Variants in C5orf22 observed in about 807,000 individuals in gnomAD.
C5orf22 encodes chromosome 5 open reading frame 22.
In C5orf22, 36 loss-of-function variants were observed where a neutral mutation model predicts 48.7. That is an observed-to-expected ratio of 0.74 (90% confidence interval 0.57 to 0.98). The LOEUF is 0.98. C5orf22 is among the 50% of genes least tolerant of loss of function. The pLI, the probability that C5orf22 is intolerant of heterozygous loss-of-function variation, is 0.00. For missense variants in C5orf22, 486 were observed against 521.9 expected (o/e 0.93, Z 0.67); for synonymous variants, 141 against 180.8 (o/e 0.78, Z 1.76).
At position 31,553,164 on chromosome 5, in the gene C5orf22, TGTTTG is replaced by T. The variant is rs990228126; in HGVS notation, c.*263_*267del. 8 of 271,562 alleles carry T rather than the reference TGTTTG, an allele frequency of 2.9e-5. No homozygotes were observed. The highest frequency in any genetic ancestry group is 8.9e-5 in the African/African-American group (4 of 45,056). The allele number at this position is 271,562 out of a possible 1,614,324, so 16.8% of individuals were successfully genotyped here. On this transcript the variant is annotated 3_prime_UTR_variant, in exon 9 of 9. Coordinates refer to ENST00000325366, the MANE Select transcript of C5orf22 (RefSeq NM_018356.3). ...TTTTTTAGGGTTTTGTTTTTTTTTT[TGTTTG>T]TTTGTTTGTTTGTCTTCACTTTTCC... is the stretch of plus-strand genomic sequence containing the variant.
chr5:31,546,039 T>TA (rs1050970687), intron 7 of C5orf22, among the ~76,000 whole-genome samples: 131 of 152,344 alleles, frequency 8.6e-4, no homozygotes, highest in African/African-American at 3.0e-3. Flanking sequence ...GTCCATTTTT[T>TA]ATTGATGAGT....
intron 7 of C5orf22, among the ~76,000 whole-genome samples, chr5:31,550,271 C>T (rs1743169752): frequency 6.6e-6 from 1 of 152,156 alleles, no homozygotes; most frequent in Non-Finnish European, 1.5e-5. Context: ...GTTTTCAAAA[C>T]ATTAAAGTTA....
chr5:31,548,335 C>T (rs1191807542), intron 7 of C5orf22, among the ~76,000 whole-genome samples: 1 of 152,060 alleles, frequency 6.6e-6, no homozygotes, highest in Non-Finnish European at 1.5e-5. Flanking sequence ...TTAACAGCAC[C>T]CATGTCACCT....
chr5:31,536,556 C>A (rs545971572), intron 3 of C5orf22, among the ~76,000 whole-genome samples: 3,141 of 152,056 alleles, frequency 0.021, 111 homozygotes, highest in African/African-American at 0.071. Context: ...AACAAAAAAA[C>A]AGTAATTAGC....
At chr5:31,540,168 T>C (rs1336084027) in intron 4 of C5orf22, among the ~76,000 whole-genome samples, 1 of 152,234 alleles carries the variant, frequency 6.6e-6, no homozygotes, top group African/African-American at 2.4e-5. Flanking sequence ...TTTCTTCAAG[T>C]ATCAAATCAG....
chr5:31,545,685 A>T lies in C5orf22; in HGVS notation c.1032A>T (p.Lys344Asn). The T allele has an allele frequency of 6.2e-7, 1 of 1,610,846 alleles. No homozygotes were observed. The highest frequency in any genetic ancestry group is 8.5e-7 in the Non-Finnish European group (1 of 1,177,900). Residue 344 changes from lysine (K) to asparagine (N), a missense_variant, in exon 7 of 9, where the codon AAA becomes AAT. Physicochemically the swap from Lys to Asn is moderately conservative, Grantham distance 94. This residue lies in a region of C5orf22 where 408 missense variants were observed against 444.0 expected (regional missense o/e 0.92). Transcript: ENST00000325366. ...SLVPLVQSLK[K>N]RMEVPDYEMV... ...TTCCCCTTGTACAGAGTTTGAAAAA[A>T]CGGATGGAAGTACCAGACTATGAAA...
In C5orf22 at chr5:31,541,009, GA is replaced by G; in HGVS notation, c.869del (p.Glu290GlyfsTer5). The G allele has an allele frequency of 1.9e-6, 3 of 1,607,288 alleles. No individual in the cohort carries two copies. The highest frequency in any genetic ancestry group is 2.6e-6 in the Non-Finnish European group (3 of 1,174,422). On this transcript the variant is annotated frameshift_variant and splice_region_variant, in exon 5 of 9. Coordinates refer to ENST00000325366, the MANE Select transcript of C5orf22 (RefSeq NM_018356.3). LOFTEE classifies it high-confidence loss of function. ...QFKKPGTNLTEEDLVDIVDTR... is the reference protein window; with the variant it reads ...QFKKPGTNLTXEDLVDIVDTR... Reference sequence around the variant, plus strand: ...TAAGAAACCTGGCACCAACCTAACAGAGGTATCCTCCATTTGTTTCTTTGGG... The same window carrying G: ...TAAGAAACCTGGCACCAACCTAACAGGGTATCCTCCATTTGTTTCTTTGGG...
At chr5:31,552,736 T>C (rs774403095) in intron 8 of C5orf22, 37 bp from the exon 9 acceptor site, 9 of 1,588,984 alleles carry the variant, frequency 5.7e-6, no homozygotes, top group South Asian at 4.5e-5. Context: ...TTTTATCCTA[T>C]GTGTATTTTT....
chr5:31,533,058 G>A (rs1318329552), intron 1 of C5orf22, among the ~76,000 whole-genome samples: 1 of 152,028 alleles, frequency 6.6e-6, no homozygotes, highest in African/African-American at 2.4e-5. Flanking sequence ...GGGTTCGAGC[G>A]ATTCTTCTGT....
At chr5:31,541,677 G>A (rs1742477727) in intron 6 of C5orf22, among the ~76,000 whole-genome samples, 1 of 152,164 alleles carries the variant, frequency 6.6e-6, no homozygotes, top group Non-Finnish European at 1.5e-5. Context: ...GGAGGCTGAA[G>A]TGGGAGGATT....
intron 8 of C5orf22, among the ~76,000 whole-genome samples, 183 bp from the exon 9 acceptor site, chr5:31,552,586 TAAAG>T (rs1367781214): frequency 3.3e-5 from 5 of 152,342 alleles, no homozygotes; most frequent in South Asian, 2.1e-4. Flanking sequence ...CTGTGAAAAT[TAAAG>T]AACATAATTT....
intron 5 of C5orf22, 97 bp from the exon 6 acceptor site, chr5:31,541,184 T>G (rs907261068): frequency 7.6e-7 from 1 of 1,314,026 alleles, no homozygotes; most frequent in African/African-American, 1.5e-5. Context: ...TTGAAAATTA[T>G]GTTTTAACTA....
intron 3 of C5orf22, among the ~76,000 whole-genome samples, chr5:31,537,287 G>A (rs1356642365): frequency 6.6e-6 from 1 of 152,184 alleles, no homozygotes; most frequent in Non-Finnish European, 1.5e-5. Flanking sequence ...ATGTATGGAA[G>A]AGACACATAT....
At chr5:31,547,841 C>T (rs1251965617) in intron 7 of C5orf22, among the ~76,000 whole-genome samples, 1 of 152,228 alleles carries the variant, frequency 6.6e-6, no homozygotes, top group Non-Finnish European at 1.5e-5. Flanking sequence ...CTGACATGCC[C>T]CAGATACATT....
In C5orf22 at chr5:31,535,855, C is replaced by T; in HGVS notation, c.339C>T (p.His113=). 6.2e-7 allele frequency: 1 copy of T among 1,613,468 alleles called. No individual in the cohort carries two copies. The highest frequency in any genetic ancestry group is 8.5e-7 in the Non-Finnish European group (1 of 1,179,848). ...AGCAGATCAGAGAGGGCAGACACCA[C>T]TTTTTAGTAGGCAAAGACACTTCTA... is the stretch of plus-strand genomic sequence containing the variant. ...WAQQIREGRH[H]FLVGKDTSTT... The change falls in exon 3 of 9, where the codon CAC becomes CAT. Residue 113 remains histidine, a synonymous_variant. Transcript: ENST00000325366.
chr5:31,538,709 A>C lies in C5orf22; in HGVS notation c.807+20A>C, dbSNP rs1395044920. ...ACTCAGGTAAATAATTGTGTTTTTAACACATAGATCTTGAGAATTGTATGG... is the reference window on the plus strand; with the variant it reads ...ACTCAGGTAAATAATTGTGTTTTTACCACATAGATCTTGAGAATTGTATGG... On this transcript the variant is annotated intron_variant, in intron 4 of 8. Transcript: ENST00000325366. 3 of 1,563,402 alleles carry C rather than the reference A, an allele frequency of 1.9e-6. No individual in the cohort carries two copies. Among genetic ancestry groups the C allele is most frequent in the Non-Finnish European group, 2.6e-6 (3 of 1,144,146 alleles).
At chr5:31,547,490 G>T (rs907367843) in intron 7 of C5orf22, among the ~76,000 whole-genome samples, 1 of 152,248 alleles carries the variant, frequency 6.6e-6, no homozygotes, top group Non-Finnish European at 1.5e-5. Context: ...CCTAGCAGGG[G>T]TTCTCCATGA....
At position 31,532,318 on chromosome 5, in the gene C5orf22, C is replaced by T. The variant is rs563401159; in HGVS notation, c.-75C>T. 306 of 1,480,926 alleles carry T rather than the reference C, an allele frequency of 2.1e-4. No individual in the cohort carries two copies. Among genetic ancestry groups the T allele is most frequent in the Non-Finnish European group, 2.5e-4 (267 of 1,061,302 alleles). 91.7% of individuals were successfully genotyped at this position (1,480,926 alleles called of 1,614,324 possible). A position where few individuals can be genotyped will look rare whatever the true frequency, so the allele number is the denominator to read the frequency against. On this transcript the variant is annotated 5_prime_UTR_variant, in exon 1 of 9. Coordinates refer to ENST00000325366, the MANE Select transcript of C5orf22 (RefSeq NM_018356.3). ...GCGCTTCCGCCCGGAGAGAGCTGGC[C>T]GGGATGAGGCGCCGGCTTTCCCGGG...
chr5:31,546,802 C>T (rs112408733), intron 7 of C5orf22, among the ~76,000 whole-genome samples: 1 of 152,188 alleles, frequency 6.6e-6, no homozygotes, highest in South Asian at 2.1e-4. Flanking sequence ...CTTCCTCCCA[C>T]TACATGTGGG....
Sources: gnomAD v4.1 joint callset for allele counts (sites outside exome capture counted in the v4.1 genomes callset) on GRCh38, gnomAD v4.1.1 for gene constraint, gnomAD v4.1.1 regional missense constraint, MANE v1.5 for transcripts, NCBI Gene and HGNC (gene_info 2026-07-23, HGNC 2026-07-21) for gene names.